Variants in RBMS3 observed in about 807,000 individuals in gnomAD.
The protein encoded by RBMS3 is RNA binding motif single stranded interacting protein 3.
In RBMS3, 27 loss-of-function variants were observed where a neutral mutation model predicts 66.8. The observed-to-expected ratio is 0.40, with a 90% confidence interval of 0.30 to 0.56. RBMS3 has a LOEUF of 0.56. Among genes scored for constraint, RBMS3 ranks in the 20% least tolerant of loss-of-function variants. The pLI, the probability that RBMS3 is intolerant of heterozygous loss-of-function variation, is 0.40. For missense variants in RBMS3, 513 were observed against 549.5 expected, an observed-to-expected ratio of 0.93 and a Z score of 0.66; for synonymous variants, 188 against 183.0, an observed-to-expected ratio of 1.03 and a Z score of -0.22.
chr3:29,505,022 C>G (rs770003725), intron 3 of RBMS3, among the ~76,000 whole-genome samples: 3 of 152,034 alleles, frequency 2.0e-5, no homozygotes, highest in Non-Finnish European at 4.4e-5. Context: ...TATGTCTTCA[C>G]CATGTTGATT....
At position 29,318,794 on chromosome 3, in the gene RBMS3, TTAAG is replaced by T. The variant is rs1010121698; in HGVS notation, c.75+37043_75+37046del. 2.6e-4 allele frequency among the ~76,000 whole-genome samples: 39 copies of T among 152,012 alleles called. 1 individual carries two copies. Among genetic ancestry groups the T allele is most frequent in the African/African-American group, 8.9e-4 (37 of 41,496 alleles). ...GACAAGATCTGGAACCTTGAGAGAC[TTAAG>T]TAAGAAATATGCAAATCCATGATTA... is the stretch of plus-strand genomic sequence containing the variant. On this transcript the variant is annotated intron_variant, in intron 1 of 14. Transcript: ENST00000383767.
intron 4 of RBMS3, among the ~76,000 whole-genome samples, chr3:29,646,525 G>A (rs201368419): frequency 8.3e-6 from 1 of 120,016 alleles, no homozygotes; most frequent in Non-Finnish European, 1.8e-5. Context: ...AGTTCTTTTT[G>A]TTTCACTACC....
At chr3:29,488,749 T>C (rs974982289) in intron 3 of RBMS3, among the ~76,000 whole-genome samples, 4 of 152,212 alleles carry the variant, frequency 2.6e-5, no homozygotes. Flanking sequence ...AAAACTAAAT[T>C]ACCTCCTAAC....
rs1477253221 is a variant in RBMS3 at position 29,281,146 on chromosome 3, T to C, written c.-536T>C. 6.3e-5 allele frequency: 4 copies of C among 63,440 alleles called. No individual in the cohort carries two copies. The highest frequency in any genetic ancestry group is 2.1e-4 in the African/African-American group (4 of 19,328). The allele number at this position is 63,440 out of a possible 1,614,324, so 3.9% of individuals were successfully genotyped here. On this transcript the variant is annotated 5_prime_UTR_variant, in exon 1 of 15. Transcript: ENST00000383767. ...TTTTTTTTTTTTCTTCCTTTTTTTC[T>C]TTTTTTTTTTCTTTTTCCCCTTTCT...
At chr3:29,449,022 T>G (rs922606987) in intron 2 of RBMS3, among the ~76,000 whole-genome samples, 3 of 152,152 alleles carry the variant, frequency 2.0e-5, no homozygotes, top group Non-Finnish European at 4.4e-5. Context: ...ACTCTGGACT[T>G]GGGTACTTCA....
chr3:29,439,591 C>CTTTTTATTTA, intron 2 of RBMS3, among the ~76,000 whole-genome samples: 1 of 45,200 alleles, frequency 2.2e-5, no homozygotes, highest in Non-Finnish European at 3.7e-5. Context: ...TAGTTAATCT[C>CTTTTTATTTA]TTTTTATTTA....
At chr3:29,492,729 A>T (rs1384283657) in intron 3 of RBMS3, among the ~76,000 whole-genome samples, 1 of 152,210 alleles carries the variant, frequency 6.6e-6, no homozygotes, top group Non-Finnish European at 1.5e-5. Flanking sequence ...TGGGAGAAAA[A>T]AAAAGAAACA....
At chr3:29,991,429 G>A (rs1434743877) in intron 14 of RBMS3, 1 of 608,706 alleles carries the variant, frequency 1.6e-6, no homozygotes, top group Non-Finnish European at 2.7e-6. Flanking sequence ...AACAGCTGCT[G>A]ATTATCTATG....
At chr3:29,466,582 T>A (rs1024422933) in intron 2 of RBMS3, among the ~76,000 whole-genome samples, 3 of 152,146 alleles carry the variant, frequency 2.0e-5, no homozygotes, top group Non-Finnish European at 4.4e-5. Context: ...TCCAGAATAA[T>A]GATGCTATTG....
intron 6 of RBMS3, among the ~76,000 whole-genome samples, chr3:29,841,130 T>C (rs1182964825): frequency 6.6e-6 from 1 of 151,980 alleles, no homozygotes; most frequent in South Asian, 2.1e-4. Flanking sequence ...TGTTCAATTA[T>C]ATCTCTTTCA....
At chr3:29,818,656 T>C (rs1418444486) in intron 6 of RBMS3, among the ~76,000 whole-genome samples, 1 of 152,154 alleles carries the variant, frequency 6.6e-6, no homozygotes, top group Non-Finnish European at 1.5e-5. Flanking sequence ...AAAACACTTA[T>C]TTGCTATGCA....
At chr3:29,859,466 T>C (rs2059158887) in intron 6 of RBMS3, among the ~76,000 whole-genome samples, 1 of 152,204 alleles carries the variant, frequency 6.6e-6, no homozygotes, top group Non-Finnish European at 1.5e-5. Context: ...AAAGAACTGA[T>C]TGTAACTTTG....
At chr3:29,337,023 A>C (rs2035996025) in intron 1 of RBMS3, among the ~76,000 whole-genome samples, 1 of 152,158 alleles carries the variant, frequency 6.6e-6, no homozygotes, top group Non-Finnish European at 1.5e-5. Context: ...ATTTCATTGT[A>C]ACATGCTTAA....
At chr3:29,759,824 GCTGGGAC>G (rs2055587632) in intron 5 of RBMS3, among the ~76,000 whole-genome samples, 3 of 152,034 alleles carry the variant, frequency 2.0e-5, no homozygotes, top group Non-Finnish European at 4.4e-5. Context: ...TGCCATCTTT[GCTGGGAC>G]TGCTTTGCCT....
At chr3:29,956,636 C>T (rs969046480) in intron 12 of RBMS3, among the ~76,000 whole-genome samples, 1 of 152,080 alleles carries the variant, frequency 6.6e-6, no homozygotes, top group African/African-American at 2.4e-5. Flanking sequence ...AATTTTCTCT[C>T]ACAGTTCTAA....
At chr3:29,390,621 C>T (rs867820362) in intron 1 of RBMS3, among the ~76,000 whole-genome samples, 3 of 152,102 alleles carry the variant, frequency 2.0e-5, no homozygotes, top group South Asian at 2.1e-4. Flanking sequence ...TTCTGAAGAG[C>T]CCCATGGTTG....
chr3:29,608,871 A>G (rs998477384), intron 4 of RBMS3, among the ~76,000 whole-genome samples: 22 of 151,974 alleles, frequency 1.4e-4, no homozygotes, highest in Non-Finnish European at 2.9e-4. Flanking sequence ...CCTTGTTTGC[A>G]TTAGGGAGAA....
chr3:29,810,610 AG>A (rs1336500246), intron 6 of RBMS3, among the ~76,000 whole-genome samples: 3 of 152,244 alleles, frequency 2.0e-5, no homozygotes, highest in African/African-American at 7.2e-5. Context: ...AATTTGAAAC[AG>A]AGTGCTAAAA....
intron 4 of RBMS3, among the ~76,000 whole-genome samples, chr3:29,730,133 A>G (rs1442698401): frequency 6.6e-6 from 1 of 152,116 alleles, no homozygotes; most frequent in African/African-American, 2.4e-5. Flanking sequence ...TAGTACAAGT[A>G]TGTCTTATGT....
Sources: allele counts gnomAD v4.1 joint callset (sites outside exome capture counted in the v4.1 genomes callset), GRCh38; gene constraint gnomAD v4.1.1; transcripts MANE v1.5; gene names NCBI Gene and HGNC (gene_info 2026-07-23, HGNC 2026-07-21).